The following MYH8 variants were observed in gnomAD, a reference collection of about 807,000 sequenced individuals.
The protein encoded by MYH8 is myosin heavy chain 8.
In MYH8, 168 loss-of-function variants were observed where a neutral mutation model predicts 233.2. The ratio of observed to expected loss-of-function variants is 0.72; its 90% CI spans 0.64 to 0.82. The LOEUF is 0.82. Among genes scored for constraint, MYH8 ranks in the 40% least tolerant of loss-of-function variants. The pLI, the probability that MYH8 is intolerant of heterozygous loss-of-function variation, is 0.00. For missense variants in MYH8, 1,995 were observed against 2,327.8 expected, an observed-to-expected ratio of 0.86 and a Z score of 2.94; for synonymous variants, 785 against 850.6, an observed-to-expected ratio of 0.92 and a Z score of 1.34.
At chr17:10,411,143 G>A (rs376689291) in intron 14 of MYH8, among the ~76,000 whole-genome samples, 196 bp from the exon 15 acceptor site, 6 of 152,098 alleles carry the variant, frequency 3.9e-5, no homozygotes, top group South Asian at 2.1e-4. Context: ...TTGGGAGGCC[G>A]CGGTGGGTGG....
chr17:10,418,967 C>A lies in MYH8; in HGVS notation c.274G>T (p.Asp92Tyr), dbSNP rs769983204. 6.2e-7 allele frequency: 1 copy of A among 1,613,576 alleles called. No homozygotes were observed. Among genetic ancestry groups the A allele is most frequent in the Non-Finnish European group, 8.5e-7 (1 of 1,179,884 alleles). ...MNPPKYDKIE[D>Y]MAMMTHLHEP... ...TGTAGATGAGTCATCATGGCCATGT[C>A]CTCAATTTTGTCATATTTCGGAGGG... The change falls in exon 4 of 40, where the codon GAC becomes TAC. Residue 92 changes from aspartate (D) to tyrosine (Y), a missense_variant. Physicochemically the swap from Asp to Tyr is radical, Grantham distance 160 (BLOSUM62 -3). Transcript: ENST00000403437.
rs2072116914 is a variant in MYH8 at position 10,399,681 on chromosome 17, G to A, written c.3736-12C>T. The A allele has an allele frequency of 1.9e-6, 3 of 1,613,860 alleles. No individual in the cohort carries two copies. Among genetic ancestry groups the A allele is most frequent in the Non-Finnish European group, 1.7e-6 (2 of 1,179,924 alleles). ...TTTTCAAGGTTTCCCTACAGGATAT[G>A]TAGCAATGAAAGATGAGACATTGAA... On this transcript the variant is annotated splice_polypyrimidine_tract_variant and intron_variant, in intron 27 of 39. Coordinates refer to ENST00000403437, the MANE Select transcript of MYH8 (RefSeq NM_002472.3).
At position 10,404,552 on chromosome 17, in the gene MYH8, A is replaced by G. The variant is rs369042728; in HGVS notation, c.2466T>C (p.Arg822=). ...EALFCIQYNV[R]AFMNVKHWPW... ...GCCAGTGCTTGACGTTCATGAAGGC[A>G]CGGACATTATACTGGATGCAGAAAA... Residue 822 remains arginine (R), a synonymous_variant, in exon 22 of 40, where the codon CGT becomes CGC. Transcript: ENST00000403437. 6.2e-7 allele frequency: 1 copy of G among 1,613,898 alleles called. No homozygotes were observed. Among genetic ancestry groups the G allele is most frequent in the Non-Finnish European group, 8.5e-7 (1 of 1,179,918 alleles).
intron 14 of MYH8, 120 bp from the exon 15 acceptor site, chr17:10,411,067 A>G: frequency 6.5e-7 from 1 of 1,531,304 alleles, no homozygotes; most frequent in Non-Finnish European, 8.9e-7. Flanking sequence ...AGTTAAAACT[A>G]ACGTTGCTCC....
intron 34 of MYH8, 37 bp downstream of exon 34, chr17:10,395,096 C>G: frequency 6.2e-7 from 1 of 1,610,992 alleles, no homozygotes; most frequent in Non-Finnish European, 8.5e-7. Context: ...AGGTACTTTC[C>G]CTGCTTCATC....
rs938429175 is a variant in MYH8, at chr17:10,417,146, G to T, written c.512-1438C>A. ...TTTTATTTTCCTTTTAATCTTATAT[G>T]CATTTCTAAATAATAAAAACAAATG... On this transcript the variant is annotated intron_variant, in intron 5 of 39. Coordinates refer to ENST00000403437, the MANE Select transcript of MYH8 (RefSeq NM_002472.3). This position sits in a 1 kb window ranked among gnomAD's most constrained non-coding sequence, Gnocchi z 4.1. Among the ~76,000 whole-genome samples, 2 of 152,060 alleles carry T rather than the reference G, an allele frequency of 1.3e-5. No individual in the cohort carries two copies. Among genetic ancestry groups the T allele is most frequent in the African/African-American group, 4.8e-5 (2 of 41,396 alleles).
In MYH8 at chr17:10,410,925, C is replaced by T. The variant is rs891273476; in HGVS notation, c.1439G>A (p.Cys480Tyr). The T allele has an allele frequency of 1.2e-6, 2 of 1,613,952 alleles. No individual in the cohort carries two copies. The highest frequency in any genetic ancestry group is 2.7e-5 in the African/African-American group (2 of 74,904). ...CAGTTTCTCGTTGGTGAAGTTGATG[C>T]ACAGCTGCTCCAGGCTGTTAAACTA... ...IFDFNSLEQL[C>Y]INFTNEKLQQ... The change falls in exon 15 of 40, where the codon TGC becomes TAC. Residue 480 changes from cysteine (C) to tyrosine (Y), a missense_variant. By Grantham distance (194) the Cys-to-Tyr change is radical (BLOSUM62 -2). This residue lies in a region of MYH8 where 479 missense variants were observed against 600.9 expected (regional missense o/e 0.80). Transcript: ENST00000403437.
rs2072198607 is a variant in MYH8, at chr17:10,406,821, A to C, written c.2054-14T>G. 5.0e-6 allele frequency: 8 copies of C among 1,613,564 alleles called. No homozygotes were observed. Among genetic ancestry groups the C allele is most frequent in the East Asian group, 2.2e-5 (1 of 44,870 alleles). On this transcript the variant is annotated splice_polypyrimidine_tract_variant and intron_variant, in intron 18 of 39. Coordinates refer to ENST00000403437, the MANE Select transcript of MYH8 (RefSeq NM_002472.3). Reference sequence around the variant, plus strand: ...GTTCCATTGCCCCTAAAAATATAGAACAGTACTTATTAGTGGGCATTTAAC... The same window carrying C: ...GTTCCATTGCCCCTAAAAATATAGACCAGTACTTATTAGTGGGCATTTAAC...
At chr17:10,401,007 A>G in intron 25 of MYH8, 39 bp downstream of exon 25, 2 of 1,613,396 alleles carry the variant, frequency 1.2e-6, no homozygotes, top group Non-Finnish European at 1.7e-6. Flanking sequence ...GAATTGAAAG[A>G]TGATATCACA....
At chr17:10,413,375 G>T (rs148780274) in intron 12 of MYH8, among the ~76,000 whole-genome samples, 7 of 152,106 alleles carry the variant, frequency 4.6e-5, no homozygotes, top group African/African-American at 1.4e-4. Context: ...TGTATATTGC[G>T]TGCTCTTTCC....
At chr17:10,399,249 C>CTGTGTGTGTG (rs59619326) in intron 28 of MYH8, among the ~76,000 whole-genome samples, 2 of 149,710 alleles carry the variant, frequency 1.3e-5, no homozygotes, top group African/African-American at 4.9e-5. Flanking sequence ...GATACTCAAC[C>CTGTGTGTGTG]TGTGTGTGTG....
At position 10,400,980 on chromosome 17, in the gene MYH8, C is replaced by T. The variant is rs371451940; in HGVS notation, c.3255-21G>A. 3.6e-5 allele frequency: 58 copies of T among 1,613,336 alleles called. No homozygotes were observed. In the African/African-American group the frequency reaches 4.7e-4, roughly 13 times the overall value. ...CTTTCCTTTAGACAGAAGAGCAAGA[C>T]GTATTAATACTCATGTGAATTGAAA... is the stretch of plus-strand genomic sequence containing the variant. On this transcript the variant is annotated intron_variant, in intron 25 of 39. Transcript: ENST00000403437. The surrounding 1 kb of genome is among the most constrained non-coding windows in gnomAD (Gnocchi z 4.0).
Position 10,415,270 on chromosome 17 carries a change from G to A in MYH8, c.741+22C>T. The stretch of plus-strand genomic sequence containing the variant: ...CAGACGTGGCTACTCTGGAAGTTAG[G>A]GGTTGAGACCAAGAGACTCACAAAG... On this transcript the variant is annotated intron_variant, in intron 8 of 39. Transcript: ENST00000403437. This position sits in a 1 kb window ranked among gnomAD's most constrained non-coding sequence, Gnocchi z 4.1. 1 of 1,609,772 alleles carries A rather than the reference G, an allele frequency of 6.2e-7. No homozygotes were observed. Among genetic ancestry groups the A allele is most frequent in the Non-Finnish European group, 8.5e-7 (1 of 1,176,034 alleles).
chr17:10,402,692 G>A (rs1185694494), intron 22 of MYH8, among the ~76,000 whole-genome samples: 1 of 151,840 alleles, frequency 6.6e-6, no homozygotes, highest in Non-Finnish European at 1.5e-5. Context: ...TCATATTTTA[G>A]CATTTCTCTC....
In MYH8 at chr17:10,390,744, T is replaced by G. The variant is rs1237877382; in HGVS notation, c.5665-141A>C. 7.1e-6 allele frequency: 7 copies of G among 991,914 alleles called. No individual in the cohort carries two copies. In the Admixed American group the frequency reaches 1.5e-4, roughly 22 times the overall value. 61.4% of individuals were successfully genotyped at this position (991,914 alleles called of 1,614,324 possible). Reference sequence around the variant, plus strand: ...TCCGACTTTAAATCTAAACAGAGTTTATAACTTCAACTACAATTTTTACTT... The same window carrying G: ...TCCGACTTTAAATCTAAACAGAGTTGATAACTTCAACTACAATTTTTACTT... On this transcript the variant is annotated intron_variant, in intron 39 of 39. Coordinates refer to ENST00000403437, the MANE Select transcript of MYH8 (RefSeq NM_002472.3).
rs770256868 is a variant in MYH8, at chr17:10,396,318, G to C, written c.4653+12C>G. 3 of 1,613,200 alleles carry C rather than the reference G, an allele frequency of 1.9e-6. No individual in the cohort carries two copies. Among genetic ancestry groups the C allele is most frequent in the Non-Finnish European group, 2.5e-6 (3 of 1,179,700 alleles). The stretch of plus-strand genomic sequence containing the variant: ...TTTGTTTTTCCATAACATAATACAA[G>C]GTAATATGTACCTCTGCTTCCTCTA... On this transcript the variant is annotated intron_variant, in intron 33 of 39. Transcript: ENST00000403437. This position sits in a 1 kb window ranked among gnomAD's most constrained non-coding sequence, Gnocchi z 4.2.
At chr17:10,401,488 A>T in intron 23 of MYH8, 37 bp from the exon 24 acceptor site, 1 of 1,614,140 alleles carries the variant, frequency 6.2e-7, no homozygotes, top group Non-Finnish European at 8.5e-7. Flanking sequence ...TCTCCTATAA[A>T]GCAATTTAGT....
At chr17:10,416,325 A>AT (rs2072290370) in intron 5 of MYH8, among the ~76,000 whole-genome samples, 2 of 152,206 alleles carry the variant, frequency 1.3e-5, no homozygotes, top group African/African-American at 2.4e-5. Context: ...TTGCATGTAT[A>AT]TACCACATTT....
intron 18 of MYH8, 28 bp from the exon 19 acceptor site, chr17:10,406,835 T>G: frequency 1.2e-6 from 2 of 1,612,532 alleles, no homozygotes; most frequent in Non-Finnish European, 1.7e-6. Context: ...TACTTATTAG[T>G]GGGCATTTAA....
Sources: gnomAD v4.1 joint callset for allele counts (sites outside exome capture counted in the v4.1 genomes callset) on GRCh38, gnomAD v4.1.1 for gene constraint, gnomAD v4.1.1 regional missense constraint, Gnocchi (gnomAD v3.1) non-coding constraint, MANE v1.5 for transcripts, NCBI Gene and HGNC (gene_info 2026-07-23, HGNC 2026-07-21) for gene names.